Variants in CAMK1D observed in about 807,000 individuals in gnomAD.
CAMK1D encodes calcium/calmodulin-dependent protein kinase type 1D.
In CAMK1D, 9 loss-of-function variants were observed where a neutral mutation model predicts 47.7. That is an observed-to-expected ratio of 0.19 (90% confidence interval 0.11 to 0.33). The LOEUF (loss-of-function observed/expected upper bound fraction) is 0.33. CAMK1D is among the 10% of genes least tolerant of loss of function. CAMK1D has a pLI of 1.00. For synonymous variants in CAMK1D, 184 were observed against 184.9 expected, an observed-to-expected ratio of 0.99 and a Z score of 0.04; for missense variants, 291 against 488.7, an observed-to-expected ratio of 0.60 and a Z score of 3.81.
chr10:12,460,559 A>C (rs1833393309), intron 1 of CAMK1D, among the ~76,000 whole-genome samples: 2 of 152,036 alleles, frequency 1.3e-5, no homozygotes, highest in Non-Finnish European at 2.9e-5. Flanking sequence ...CAGCCTCCTG[A>C]GTAGCTGGGA....
chr10:12,665,799 C>T (rs10906199), intron 2 of CAMK1D, among the ~76,000 whole-genome samples: 110,940 of 152,194 alleles, frequency 0.73, 41,711 homozygotes, highest in Non-Finnish European at 0.83. Context: ...GTCTGCAGAT[C>T]GGCAGTACCG....
intron 5 of CAMK1D, among the ~76,000 whole-genome samples, chr10:12,772,553 C>T (rs1837087939): frequency 6.6e-6 from 1 of 152,210 alleles, no homozygotes; most frequent in Non-Finnish European, 1.5e-5. Flanking sequence ...TGTGTTTTGG[C>T]AAAGCCCACG....
At chr10:12,381,630 C>T (rs1045395624) in intron 1 of CAMK1D, among the ~76,000 whole-genome samples, 11 of 152,078 alleles carry the variant, frequency 7.2e-5, no homozygotes, top group African/African-American at 2.7e-4. Flanking sequence ...CCAGCCAATT[C>T]TCAAGTTTTT....
chr10:12,409,478 C>T (rs561243017), intron 1 of CAMK1D, among the ~76,000 whole-genome samples: 30 of 152,308 alleles, frequency 2.0e-4, no homozygotes, highest in African/African-American at 5.8e-4. Context: ...GTGGCGGGCT[C>T]TTGCTACGTG....
chr10:12,816,722 A>G (rs1419736406), intron 8 of CAMK1D, among the ~76,000 whole-genome samples: 2 of 151,948 alleles, frequency 1.3e-5, no homozygotes, highest in East Asian at 3.9e-4. Flanking sequence ...TACAAAAAAA[A>G]TTAGCTGGGC....
chr10:12,558,005 A>C (rs1836820511), intron 2 of CAMK1D, among the ~76,000 whole-genome samples: 2 of 152,240 alleles, frequency 1.3e-5, no homozygotes, highest in African/African-American at 4.8e-5. Flanking sequence ...GCTCAGAGGG[A>C]AACATTCTGA....
At chr10:12,536,611 C>T (rs528183286) in intron 1 of CAMK1D, among the ~76,000 whole-genome samples, 2 of 152,310 alleles carry the variant, frequency 1.3e-5, no homozygotes, top group African/African-American at 2.4e-5. Context: ...CCTCTTTCCT[C>T]TCCAGAGGCA....
intron 2 of CAMK1D, among the ~76,000 whole-genome samples, chr10:12,638,303 G>A (rs947139356): frequency 6.6e-6 from 1 of 152,130 alleles, no homozygotes; most frequent in African/African-American, 2.4e-5. Flanking sequence ...CATACTCTAA[G>A]CCTGCTTGCT....
At chr10:12,376,583 T>G (rs767258535) in intron 1 of CAMK1D, among the ~76,000 whole-genome samples, 2 of 152,126 alleles carry the variant, frequency 1.3e-5, no homozygotes, top group Non-Finnish European at 2.9e-5. Flanking sequence ...CCTGTACTCC[T>G]GTCATGCTTC....
intron 1 of CAMK1D, among the ~76,000 whole-genome samples, chr10:12,478,559 T>C (rs989757739): frequency 2.0e-5 from 3 of 152,076 alleles, no homozygotes; most frequent in Admixed American, 2.0e-4. Flanking sequence ...CCAGCATTTA[T>C]AGGCATGAGC....
intron 2 of CAMK1D, among the ~76,000 whole-genome samples, chr10:12,608,726 G>A (rs528201185): frequency 4.6e-5 from 7 of 152,326 alleles, no homozygotes; most frequent in African/African-American, 1.7e-4. Context: ...AAAATCCCGC[G>A]TCTCTTCTAT....
intron 3 of CAMK1D, among the ~76,000 whole-genome samples, chr10:12,757,604 T>C (rs1053961533): frequency 6.6e-6 from 1 of 152,212 alleles, no homozygotes; most frequent in Admixed American, 6.5e-5. Context: ...ACTAGCTCTA[T>C]GAATAAGTCA....
At chr10:12,418,827 G>C (rs1367299483) in intron 1 of CAMK1D, among the ~76,000 whole-genome samples, 1 of 152,200 alleles carries the variant, frequency 6.6e-6, no homozygotes, top group Non-Finnish European at 1.5e-5. Flanking sequence ...GGGAGTTGCA[G>C]ACCCCCACGT....
intron 8 of CAMK1D, among the ~76,000 whole-genome samples, chr10:12,819,295 G>A (rs1832927164): frequency 6.6e-6 from 1 of 152,232 alleles, no homozygotes; most frequent in Non-Finnish European, 1.5e-5. Context: ...GAGCGTCTGG[G>A]CATACAACAC....
intron 1 of CAMK1D, among the ~76,000 whole-genome samples, chr10:12,540,094 CTTTTCTT>C (rs1176055319): frequency 2.0e-5 from 3 of 146,596 alleles, no homozygotes; most frequent in East Asian, 2.0e-4. Context: ...TTTCTTTTTT[CTTTTCTT>C]TTTTTTTTGG....
intron 1 of CAMK1D, among the ~76,000 whole-genome samples, chr10:12,356,940 CAG>C (rs1468751329): frequency 4.6e-5 from 7 of 152,072 alleles, no homozygotes; most frequent in South Asian, 2.1e-4. Context: ...TGTGTGCTCT[CAG>C]GGGAGGATTT....
At chr10:12,626,776 A>G (rs1225576843) in intron 2 of CAMK1D, among the ~76,000 whole-genome samples, 1 of 152,100 alleles carries the variant, frequency 6.6e-6, no homozygotes, top group Non-Finnish European at 1.5e-5. Flanking sequence ...CACCCAGCCT[A>G]TCATTAAATT....
intron 8 of CAMK1D, among the ~76,000 whole-genome samples, chr10:12,820,760 A>G (rs1040824573): frequency 6.6e-6 from 1 of 152,202 alleles, no homozygotes; most frequent in Non-Finnish European, 1.5e-5. Flanking sequence ...AGATGGAGGC[A>G]GCCGGCCTCT....
chr10:12,528,429 G>A (rs751552279), intron 1 of CAMK1D, among the ~76,000 whole-genome samples: 12 of 152,328 alleles, frequency 7.9e-5, no homozygotes, highest in Admixed American at 5.2e-4. Flanking sequence ...GAAAAGCCAG[G>A]TGACTTGCAG....
Sources: allele counts gnomAD v4.1 joint callset (sites outside exome capture counted in the v4.1 genomes callset), GRCh38; gene constraint gnomAD v4.1.1; transcripts MANE v1.5; gene names NCBI Gene and HGNC (gene_info 2026-07-23, HGNC 2026-07-21).